Variants in DOCK1 observed in about 807,000 individuals in gnomAD.
The protein encoded by DOCK1 is dedicator of cytokinesis 1.
DOCK1 carries 138 observed loss-of-function variants against 262.7 expected under a neutral mutation model. The observed-to-expected ratio is 0.53, with a 90% CI of 0.46 to 0.61. The LOEUF (loss-of-function observed/expected upper bound fraction) is 0.61. Among genes scored for constraint, DOCK1 ranks in the 20% least tolerant of loss-of-function variants. The pLI, the probability that DOCK1 is intolerant of heterozygous loss-of-function variation, is 0.00. For synonymous variants in DOCK1, 866 were observed against 867.4 expected (o/e 1.00, Z 0.03); for missense variants, 1,908 against 2,370.7 (o/e 0.80, Z 4.05).
chr10:127,417,060 T>C (rs920554374), intron 44 of DOCK1, among the ~76,000 whole-genome samples: 12 of 152,126 alleles, frequency 7.9e-5, no homozygotes, highest in Non-Finnish European at 1.3e-4. Flanking sequence ...AATCGCCCAT[T>C]CGCTGTTCAT....
intron 3 of DOCK1, among the ~76,000 whole-genome samples, chr10:126,980,945 G>GTTTT (rs1204873693): frequency 7.2e-6 from 1 of 139,066 alleles, no homozygotes; most frequent in African/African-American, 2.6e-5. Flanking sequence ...AGGACCCTAC[G>GTTTT]TTTTTTTTTT....
At chr10:127,439,401 C>T (rs575434756) in intron 49 of DOCK1, among the ~76,000 whole-genome samples, 176 bp downstream of exon 49, 10 of 152,312 alleles carry the variant, frequency 6.6e-5, no homozygotes, top group Admixed American at 6.5e-4. Context: ...GTAGGACAGC[C>T]AGAGCCACAG....
At position 127,430,618 on chromosome 10, in the gene DOCK1, T is replaced by TC. The variant is rs773688103; in HGVS notation, c.4915-2660dup. ...TTCTGCCCCACCCCCCAGCCCCTCC[T>TC]CCCCCACCTGCTCTCTCCAAAGGAA... is the stretch of plus-strand genomic sequence containing the variant. On this transcript the variant is annotated intron_variant, in intron 47 of 51. Coordinates refer to ENST00000623213, the MANE Select transcript of DOCK1 (RefSeq NM_001290223.2). Among the ~76,000 whole-genome samples the TC allele has an allele frequency of 1.6e-4, 6 of 38,494 alleles. No individual in the cohort carries two copies. The Middle Eastern group carries it at 0.045, about 292-fold the overall frequency. The allele number at this position is 38,494 out of a possible 152,430, so 25.3% of individuals were successfully genotyped here. A position where few individuals can be genotyped will look rare whatever the true frequency, so the allele number is the denominator to read the frequency against.
At chr10:127,224,296 C>T (rs1037595436) in intron 27 of DOCK1, among the ~76,000 whole-genome samples, 2 of 152,120 alleles carry the variant, frequency 1.3e-5, no homozygotes, top group Non-Finnish European at 2.9e-5. Context: ...TGCAGTGGCA[C>T]ACACCTGTAA....
At chr10:127,358,611 C>T (rs976661162) in intron 32 of DOCK1, among the ~76,000 whole-genome samples, 7 of 152,126 alleles carry the variant, frequency 4.6e-5, no homozygotes, top group African/African-American at 7.2e-5. Context: ...TTATCCACCG[C>T]GTTGGGTTTG....
intron 23 of DOCK1, among the ~76,000 whole-genome samples, chr10:127,104,819 G>A (rs527802410): frequency 3.3e-5 from 5 of 152,258 alleles, no homozygotes; most frequent in African/African-American, 7.2e-5. Context: ...ACTTTCCCCC[G>A]ACTGAATTTA....
chr10:127,182,838 C>T (rs976068576), intron 27 of DOCK1, among the ~76,000 whole-genome samples: 1 of 151,962 alleles, frequency 6.6e-6, no homozygotes, highest in African/African-American at 2.4e-5. Flanking sequence ...TTGAACACAG[C>T]TCATGAGTAC....
At chr10:127,201,865 C>G (rs2057476814) in intron 27 of DOCK1, among the ~76,000 whole-genome samples, 1 of 152,148 alleles carries the variant, frequency 6.6e-6, no homozygotes, top group Admixed American at 6.5e-5. Context: ...CTTACTATCC[C>G]ATTCTCGTCA....
In DOCK1 at chr10:127,125,536, G is replaced by A. The variant is rs751037501; in HGVS notation, c.2686G>A (p.Glu896Lys). The change falls in exon 26 of 52, where the codon GAG (glutamate) becomes AAG (lysine). Residue 896 changes from glutamate to lysine, a missense_variant. Physicochemically the swap from Glu to Lys is moderately conservative, Grantham distance 56. Around this residue, in one of 9 missense-constraint regions of DOCK1, gnomAD observed 518 missense variants for 575.1 expected, o/e 0.90. Coordinates refer to ENST00000623213, the MANE Select transcript of DOCK1 (RefSeq NM_001290223.2). Reference sequence around the variant, plus strand: ...GCTCAAGTACCATCTGGAGAGACAGGAGGACCTGGAGGCCTGCTGTCAGCT... The same window carrying A: ...GCTCAAGTACCATCTGGAGAGACAGAAGGACCTGGAGGCCTGCTGTCAGCT... ...DQLKYHLERQ[E>K]DLEACCQLLS... 5 of 1,613,896 alleles carry A rather than the reference G, an allele frequency of 3.1e-6. No individual in the cohort carries two copies. In the South Asian group the frequency reaches 5.5e-5, roughly 18 times the overall value.
chr10:127,411,747 G>C (rs1434924360), intron 43 of DOCK1, among the ~76,000 whole-genome samples: 1 of 152,008 alleles, frequency 6.6e-6, no homozygotes, highest in Non-Finnish European at 1.5e-5. Flanking sequence ...GGCTGAGGCG[G>C]GAGAATCGCT....
chr10:127,012,615 T>C lies in DOCK1; in HGVS notation c.1201+241T>C, dbSNP rs2041547070. Among the ~76,000 whole-genome samples, 2 of 152,142 alleles carry C rather than the reference T, an allele frequency of 1.3e-5. No homozygotes were observed. Among genetic ancestry groups the C allele is most frequent in the African/African-American group, 4.8e-5 (2 of 41,428 alleles). On this transcript the variant is annotated intron_variant, in intron 12 of 51. Transcript: ENST00000623213. This position sits in a 1 kb window ranked among gnomAD's most constrained non-coding sequence, Gnocchi z 4.0. ...CTCCTGGATGGAGAGTGGGGTCAGA[T>C]TAGAAGTTTAGAGGAACATGCAGGC... is the stretch of plus-strand genomic sequence containing the variant.
intron 27 of DOCK1, among the ~76,000 whole-genome samples, chr10:127,131,694 A>T (rs562489421): frequency 6.6e-6 from 1 of 152,260 alleles, no homozygotes; most frequent in African/African-American, 2.4e-5. Flanking sequence ...GTGAATTTAG[A>T]TTAGAGGAAG....
Position 127,184,184 on chromosome 10 carries a change from C to T in DOCK1, c.2847+56420C>T, listed in dbSNP as rs1259019307. On this transcript the variant is annotated intron_variant, in intron 27 of 51. Transcript: ENST00000623213. ...GCTGAGCTTGGAGCAAAAGACACCC[C>T]ATGTTAAAGGCAGGACTGGACTTGG... Among the ~76,000 whole-genome samples the T allele has an allele frequency of 2.6e-5, 4 of 152,170 alleles. No homozygotes were observed. In the East Asian group the frequency reaches 7.8e-4, roughly 29 times the overall value.
chr10:127,188,012 A>T (rs952448695), intron 27 of DOCK1, among the ~76,000 whole-genome samples: 2 of 152,206 alleles, frequency 1.3e-5, no homozygotes, highest in African/African-American at 4.8e-5. Context: ...AGTTTGTGGC[A>T]TACAAAAAGT....
chr10:127,307,608 T>C (rs2135474815), intron 29 of DOCK1, among the ~76,000 whole-genome samples: 1 of 152,278 alleles, frequency 6.6e-6, no homozygotes. Context: ...GGCAAACACC[T>C]CTGCAACCTC....
At chr10:127,409,238 G>A in intron 41 of DOCK1, 60 bp downstream of exon 41, 1 of 1,612,176 alleles carries the variant, frequency 6.2e-7, no homozygotes, top group South Asian at 1.1e-5. Context: ...CATTTGGGTG[G>A]TTGGGTGTGG....
chr10:127,269,734 G>C (rs1194538594), intron 29 of DOCK1, among the ~76,000 whole-genome samples: 1 of 152,168 alleles, frequency 6.6e-6, no homozygotes, highest in Non-Finnish European at 1.5e-5. Flanking sequence ...GAGATTCAGG[G>C]GGGTTGAATG....
At chr10:127,094,252 C>T (rs1350712103) in intron 23 of DOCK1, among the ~76,000 whole-genome samples, 2 of 152,192 alleles carry the variant, frequency 1.3e-5, no homozygotes, top group South Asian at 2.1e-4. Flanking sequence ...ATGTCAATGT[C>T]GATTAAATTT....
At chr10:127,321,105 C>T (rs2062499433) in intron 29 of DOCK1, among the ~76,000 whole-genome samples, 1 of 152,110 alleles carries the variant, frequency 6.6e-6, no homozygotes, top group South Asian at 2.1e-4. Flanking sequence ...TGATGGCGCC[C>T]TTGCTGTTAA....
Sources: allele counts gnomAD v4.1 joint callset (sites outside exome capture counted in the v4.1 genomes callset), GRCh38; gene constraint gnomAD v4.1.1; regional missense constraint gnomAD v4.1.1; non-coding constraint Gnocchi (gnomAD v3.1); transcripts MANE v1.5; gene names NCBI Gene and HGNC (gene_info 2026-07-23, HGNC 2026-07-21).